ANHX: variants seen among roughly 807,000 people sequenced by gnomAD.
The protein encoded by ANHX is anomalous homeobox protein.
In ANHX, 20 loss-of-function variants were observed where a neutral mutation model predicts 38.9. The observed-to-expected ratio is 0.51, with a 90% CI of 0.36 to 0.75. The LOEUF (loss-of-function observed/expected upper bound fraction) is 0.75, where lower values mean the gene tolerates loss of function less well. Among genes scored for constraint, ANHX ranks in the 30% least tolerant of loss-of-function variants. The pLI, the probability that ANHX is intolerant of heterozygous loss-of-function variation, is 0.00. For synonymous variants in ANHX, 185 were observed against 203.1 expected, an observed-to-expected ratio of 0.91 and a Z score of 0.76; for missense variants, 475 against 493.1, an observed-to-expected ratio of 0.96 and a Z score of 0.35.
chr12:133,225,304 TATGC>T (rs1473451066), intron 7 of ANHX, among the ~76,000 whole-genome samples: 4 of 149,318 alleles, frequency 2.7e-5, no homozygotes, highest in East Asian at 1.9e-4. Flanking sequence ...TCTTCAGTGA[TATGC>T]ATACATACAC....
chr12:133,227,900 T>C lies in ANHX; in HGVS notation c.425A>G (p.Asn142Ser). 2 of 1,290,082 alleles carry C rather than the reference T, an allele frequency of 1.6e-6. No individual in the cohort carries two copies. The highest frequency in any genetic ancestry group is 2.5e-5 in the South Asian group (2 of 80,524). The allele number at this position is 1,290,082 out of a possible 1,614,324, so 79.9% of individuals were successfully genotyped here. A position where few individuals can be genotyped will look rare whatever the true frequency, so the allele number is the denominator to read the frequency against. ...CTTCTCACGAACCTCTCTGGGGAAG[T>C]TCCGGCTCTTCAGCCCCTCTGGGCA... ...SLCPEGLKSR[N>S]FPREVREKLH... Residue 142 changes from asparagine (N) to serine (S), a missense_variant, in exon 4 of 10, where the codon AAC (asparagine) becomes AGC (serine). Coordinates refer to ENST00000545940, the MANE Select transcript of ANHX (RefSeq NM_001372060.1).
chr12:133,235,569 A>T (rs1425241864), intron 1 of ANHX: 3 of 90,540 alleles, frequency 3.3e-5, no homozygotes, highest in African/African-American at 1.3e-4. Context: ...CCTCAGCCCC[A>T]CCCCGGCCCC....
At chr12:133,232,358 G>A (rs1462545842) in intron 2 of ANHX, among the ~76,000 whole-genome samples, 1 of 152,208 alleles carries the variant, frequency 6.6e-6, no homozygotes, top group Non-Finnish European at 1.5e-5. Flanking sequence ...GCCCCACACT[G>A]GCCTTTAACT....
chr12:133,234,417 C>T (rs781344579), intron 1 of ANHX, 39 bp from the exon 2 acceptor site: 38 of 1,495,124 alleles, frequency 2.5e-5, no homozygotes, highest in Non-Finnish European at 3.2e-5. Context: ...CCACCACTGA[C>T]CACGTCCTTT....
At chr12:133,235,211 TC>T (rs1161833475) in intron 1 of ANHX, 1 of 151,994 alleles carries the variant, frequency 6.6e-6, no homozygotes, top group Non-Finnish European at 1.5e-5. Flanking sequence ...GGACCTGGGG[TC>T]CCTTGGGGGA....
rs1203871565 is a variant in ANHX at position 133,219,152 on chromosome 12, C to T, written c.1365+131G>A. The T allele has an allele frequency of 1.9e-4, 196 of 1,036,874 alleles. 1 individual carries two copies. Among genetic ancestry groups the T allele is most frequent in the African/African-American group, 1.6e-5 (1 of 63,646 alleles). The allele number at this position is 1,036,874 out of a possible 1,614,324, so 64.2% of individuals were successfully genotyped here. A position where few individuals can be genotyped will look rare whatever the true frequency, so the allele number is the denominator to read the frequency against. ...AGTCCAGTAATGTCCAGCCACAAAT[C>T]ATCTTTGCCCCTTGTTTATCTTTGC... On this transcript the variant is annotated intron_variant, in intron 9 of 9. Coordinates refer to ENST00000545940, the MANE Select transcript of ANHX (RefSeq NM_001372060.1).
At chr12:133,235,106 G>C (rs1470668293) in intron 1 of ANHX, 1 of 152,294 alleles carries the variant, frequency 6.6e-6, no homozygotes, top group Non-Finnish European at 1.5e-5. Flanking sequence ...ACGCGACCTC[G>C]TCTACTCCAC....
At chr12:133,230,385 G>A (rs1478402911) in intron 3 of ANHX, among the ~76,000 whole-genome samples, 1 of 152,204 alleles carries the variant, frequency 6.6e-6, no homozygotes, top group Admixed American at 6.5e-5. Context: ...TGGGTACCAC[G>A]CAAGAAAATT....
Position 133,234,101 on chromosome 12 carries a change from G to A in ANHX, c.249+7C>T. The A allele has an allele frequency of 6.5e-7, 1 of 1,535,136 alleles. No homozygotes were observed. Among genetic ancestry groups the A allele is most frequent in the Non-Finnish European group, 8.7e-7 (1 of 1,146,778 alleles). ...CTCTGTACCCTACCCCTGTAGCCCA[G>A]GCCTACCTCCAGGAGGCGGCAAGCC... On this transcript the variant is annotated splice_region_variant and intron_variant, in intron 2 of 9. Transcript: ENST00000545940.
At chr12:133,219,245 A>ACC in intron 9 of ANHX, 38 bp downstream of exon 9, 4 of 1,498,576 alleles carry the variant, frequency 2.7e-6, no homozygotes, top group Non-Finnish European at 3.6e-6. Context: ...ATCCAGGAGT[A>ACC]AAGAGGGAAT....
chr12:133,224,451 C>T (rs1287234471), intron 7 of ANHX, among the ~76,000 whole-genome samples: 1 of 142,196 alleles, frequency 7.0e-6, no homozygotes, highest in Non-Finnish European at 1.5e-5. Flanking sequence ...CCCTTGAGTT[C>T]AGGAGTTTGA....
chr12:133,224,520 GGGCGTGGT>G (rs1566404028), intron 7 of ANHX, among the ~76,000 whole-genome samples: 1 of 151,216 alleles, frequency 6.6e-6, no homozygotes, highest in Non-Finnish European at 1.5e-5. Flanking sequence ...AAAATTAGCC[GGGCGTGGT>G]GGCAGGTGCC....
intron 7 of ANHX, among the ~76,000 whole-genome samples, chr12:133,225,071 A>C (rs552909111): frequency 6.6e-6 from 1 of 152,208 alleles, no homozygotes; most frequent in East Asian, 1.9e-4. Flanking sequence ...GGTGTACTGG[A>C]TGGGCAAAAT....
At position 133,234,351 on chromosome 12, in the gene ANHX, C is replaced by T; in HGVS notation, c.6G>A (p.Gln2=). The T allele has an allele frequency of 6.5e-7, 1 of 1,535,264 alleles. No individual in the cohort carries two copies. The highest frequency in any genetic ancestry group is 8.7e-7 in the Non-Finnish European group (1 of 1,146,242). M[Q]SFLTLLKEHE... ...GCTCCTTCAGCAGAGTCAGGAAGCT[C>T]TGCATCCTGTGCTGGGTCGTGGCCA... is the stretch of plus-strand genomic sequence containing the variant. The change falls in exon 2 of 10, where the codon CAG becomes CAA. Residue 2 remains glutamine (Q), a synonymous_variant. Transcript: ENST00000545940.
intron 3 of ANHX, among the ~76,000 whole-genome samples, chr12:133,230,600 G>C (rs1290886357): frequency 6.6e-6 from 1 of 152,096 alleles, no homozygotes; most frequent in Non-Finnish European, 1.5e-5. Context: ...AATATAGCAA[G>C]ACCCTGTCTC....
chr12:133,224,402 C>T (rs562819881), intron 7 of ANHX, among the ~76,000 whole-genome samples: 69 of 152,310 alleles, frequency 4.5e-4, no homozygotes, highest in African/African-American at 1.6e-3. Flanking sequence ...TGGCTCACGC[C>T]TGTAATCCCA....
intron 7 of ANHX, among the ~76,000 whole-genome samples, chr12:133,224,033 T>C (rs1021104869): frequency 6.6e-6 from 1 of 152,142 alleles, no homozygotes; most frequent in African/African-American, 2.4e-5. Context: ...TCTTGCAAAG[T>C]TAACTGAAGC....
At position 133,226,916 on chromosome 12, in the gene ANHX, G is replaced by A. The variant is rs1957196995; in HGVS notation, c.718+20C>T. On this transcript the variant is annotated intron_variant, in intron 5 of 9. Coordinates refer to ENST00000545940, the MANE Select transcript of ANHX (RefSeq NM_001372060.1). ...CCAGCTCCCCGACCACAAGGAGACT[G>A]GGGCCCTCAGGCCACTCACCTGACC... The A allele has an allele frequency of 4.7e-6, 7 of 1,490,248 alleles. No individual in the cohort carries two copies. The highest frequency in any genetic ancestry group is 6.2e-6 in the Non-Finnish European group (7 of 1,123,766). The allele number at this position is 1,490,248 out of a possible 1,614,324, so 92.3% of individuals were successfully genotyped here.
At position 133,231,553 on chromosome 12, in the gene ANHX, G is replaced by A. The variant is rs140813788; in HGVS notation, c.341C>T (p.Ala114Val). Residue 114 changes from alanine (A) to valine (V), a missense_variant, in exon 3 of 10, where the codon GCG (alanine) becomes GTG (valine). Physicochemically the swap from Ala to Val is moderately conservative, Grantham distance 64 (BLOSUM62 0). Coordinates refer to ENST00000545940, the MANE Select transcript of ANHX (RefSeq NM_001372060.1). Reference sequence around the variant, plus strand: ...GCGGAACTTCTGCACCGGGGTGAGCGCAGCCACGCCCAGCCTCCTCATGAC... The same window carrying A: ...GCGGAACTTCTGCACCGGGGTGAGCACAGCCACGCCCAGCCTCCTCATGAC... ...RLVMRRLGVA[A>V]LTPVQKFRCR... The A allele has an allele frequency of 3.7e-3, 5,643 of 1,536,072 alleles. 164 individuals are homozygous for A. The African/African-American group carries it at 0.067, about 18-fold the overall frequency.
Sources: allele counts gnomAD v4.1 joint callset (sites outside exome capture counted in the v4.1 genomes callset), GRCh38; gene constraint gnomAD v4.1.1; transcripts MANE v1.5; gene names NCBI Gene and HGNC (gene_info 2026-07-23, HGNC 2026-07-21).